The following UTRN variants were observed in gnomAD, a reference collection of about 807,000 sequenced individuals.
The protein encoded by UTRN is utrophin.
UTRN carries 283 observed loss-of-function variants against 463.9 expected under a neutral mutation model. That is an observed-to-expected ratio of 0.61 (90% confidence interval 0.55 to 0.67). UTRN has a LOEUF of 0.67. Among genes scored for constraint, UTRN ranks in the 30% least tolerant of loss-of-function variants. UTRN has a pLI of 0.00. For synonymous variants in UTRN, 1,442 were observed against 1,431.5 expected, an observed-to-expected ratio of 1.01 and a Z score of -0.17; for missense variants, 3,922 against 4,084.3, an observed-to-expected ratio of 0.96 and a Z score of 1.08.
At chr6:144,602,863 A>G (rs527775875) in intron 51 of UTRN, among the ~76,000 whole-genome samples, 1 of 152,188 alleles carries the variant, frequency 6.6e-6, no homozygotes, top group South Asian at 2.1e-4. Flanking sequence ...CCTGCTGTGT[A>G]TTATTTTTCT....
chr6:144,852,084 A>T lies in UTRN; in HGVS notation c.*1087A>T, dbSNP rs1782516931. ...GAAACTCCTAGTTGTTTTCTTGTTG[A>T]AAGCAGACACACATTTAGTGCACGG... On this transcript the variant is annotated 3_prime_UTR_variant, in exon 75 of 75. Coordinates refer to ENST00000367545, the MANE Select transcript of UTRN (RefSeq NM_007124.3). 6.6e-6 allele frequency: 1 copy of T among 152,190 alleles called. No homozygotes were observed. The highest frequency in any genetic ancestry group is 2.4e-5 in the African/African-American group (1 of 41,462). The allele number at this position is 152,190 out of a possible 1,614,324, so 9.4% of individuals were successfully genotyped here.
chr6:144,307,878 A>C (rs1399626991), intron 2 of UTRN, among the ~76,000 whole-genome samples: 1 of 151,362 alleles, frequency 6.6e-6, no homozygotes, highest in Non-Finnish European at 1.5e-5. Flanking sequence ...AATGGATATC[A>C]CAGTGCTTTA....
intron 2 of UTRN, among the ~76,000 whole-genome samples, chr6:144,397,502 C>A (rs1276470941): frequency 1.3e-5 from 2 of 152,092 alleles, no homozygotes; most frequent in Admixed American, 6.5e-5. Flanking sequence ...CTTTTATGGG[C>A]ATATACAGTT....
chr6:144,797,645 A>C (rs1052824451), intron 63 of UTRN, 179 bp from the exon 64 acceptor site: 3 of 557,532 alleles, frequency 5.4e-6, no homozygotes, highest in African/African-American at 3.9e-5. Context: ...TTTTCTACTC[A>C]TAAGTTCTAG....
chr6:144,341,143 G>T (rs1777110821), intron 2 of UTRN, among the ~76,000 whole-genome samples: 1 of 152,114 alleles, frequency 6.6e-6, no homozygotes, highest in African/African-American at 2.4e-5. Flanking sequence ...CAGCTCCACG[G>T]CAAGAAATAA....
chr6:144,449,712 A>G (rs1459846398), intron 17 of UTRN, among the ~76,000 whole-genome samples: 1 of 152,212 alleles, frequency 6.6e-6, no homozygotes, highest in Non-Finnish European at 1.5e-5. Flanking sequence ...AGTTCACCAG[A>G]AACACTTTAA....
intron 52 of UTRN, among the ~76,000 whole-genome samples, chr6:144,697,651 C>G (rs565262449): frequency 7.9e-5 from 12 of 152,254 alleles, no homozygotes; most frequent in African/African-American, 1.2e-4. Context: ...TATGAAAAAT[C>G]AAAGATGCAG....
chr6:144,541,846 T>C (rs191183988), intron 45 of UTRN, among the ~76,000 whole-genome samples: 1 of 152,268 alleles, frequency 6.6e-6, no homozygotes, highest in African/African-American at 2.4e-5. Context: ...TTACGAAGGA[T>C]GAATAAGTAT....
At position 144,777,991 on chromosome 6, in the gene UTRN, A is replaced by G. The variant is rs191273663; in HGVS notation, c.8632+3627A>G. 2.0e-5 allele frequency among the ~76,000 whole-genome samples: 3 copies of G among 152,270 alleles called. No homozygotes were observed. In the East Asian group the frequency reaches 5.8e-4, roughly 29 times the overall value. ...AAATTCCTTTCGGTTTTTTTCCTCA[A>G]GTTCTTATTGTGTTGTATTTCATGT... On this transcript the variant is annotated intron_variant, in intron 60 of 74. Coordinates refer to ENST00000367545, the MANE Select transcript of UTRN (RefSeq NM_007124.3).
chr6:144,848,962 A>G (rs192675547), intron 74 of UTRN, among the ~76,000 whole-genome samples: 27 of 152,174 alleles, frequency 1.8e-4, no homozygotes, highest in East Asian at 1.4e-3. Flanking sequence ...AGAGGCCCCA[A>G]TGAGGACCAA....
chr6:144,676,027 T>C (rs1373532966), intron 51 of UTRN, among the ~76,000 whole-genome samples: 1 of 152,162 alleles, frequency 6.6e-6, no homozygotes, highest in Non-Finnish European at 1.5e-5. Context: ...TGCCCCCAAA[T>C]GTATTTTATA....
chr6:144,737,617 A>G (rs1315921176), intron 54 of UTRN, among the ~76,000 whole-genome samples: 1 of 152,212 alleles, frequency 6.6e-6, no homozygotes, highest in Non-Finnish European at 1.5e-5. Context: ...CTCTTTGGAA[A>G]ACTCAACTAC....
intron 2 of UTRN, among the ~76,000 whole-genome samples, chr6:144,362,579 T>C (rs1385474346): frequency 6.6e-6 from 1 of 152,190 alleles, no homozygotes; most frequent in Non-Finnish European, 1.5e-5. Context: ...TTGTGATTAA[T>C]AACTGGATGG....
intron 63 of UTRN, among the ~76,000 whole-genome samples, chr6:144,797,465 G>A (rs1174410852): frequency 6.6e-6 from 1 of 152,140 alleles, no homozygotes; most frequent in African/African-American, 2.4e-5. Flanking sequence ...AAAGTGCTAG[G>A]ATTACAGGCT....
intron 66 of UTRN, among the ~76,000 whole-genome samples, chr6:144,824,610 A>ATATATATATC (rs1562955112): frequency 5.7e-4 from 25 of 43,600 alleles, no homozygotes; most frequent in Non-Finnish European, 8.2e-4. Context: ...ATATATATAT[A>ATATATATATC]TATCTTTTTT....
intron 57 of UTRN, among the ~76,000 whole-genome samples, chr6:144,757,303 A>G (rs1224988167): frequency 6.6e-6 from 1 of 151,340 alleles, no homozygotes; most frequent in African/African-American, 2.4e-5. Flanking sequence ...AGTAAGGTCT[A>G]GTGCAAAAGT....
At chr6:144,845,093 G>A (rs1781906505) in intron 73 of UTRN, among the ~76,000 whole-genome samples, 1 of 152,120 alleles carries the variant, frequency 6.6e-6, no homozygotes, top group South Asian at 2.1e-4. Context: ...ATCCCAGTTG[G>A]TCCTGATAGC....
chr6:144,383,073 A>C (rs1482471737), intron 2 of UTRN, among the ~76,000 whole-genome samples: 3 of 139,498 alleles, frequency 2.2e-5, no homozygotes, highest in African/African-American at 7.8e-5. Context: ...CTGGGACCAC[A>C]GGCATATGCC....
intron 51 of UTRN, among the ~76,000 whole-genome samples, chr6:144,628,316 T>C (rs1167461148): frequency 6.6e-6 from 1 of 152,196 alleles, no homozygotes; most frequent in Non-Finnish European, 1.5e-5. Flanking sequence ...CTCTCAAAGC[T>C]CTTGTTCCAG....
Sources: allele counts gnomAD v4.1 joint callset (sites outside exome capture counted in the v4.1 genomes callset), GRCh38; gene constraint gnomAD v4.1.1; transcripts MANE v1.5; gene names NCBI Gene and HGNC (gene_info 2026-07-23, HGNC 2026-07-21).